Variants in GALNT14 observed in about 807,000 individuals in gnomAD.
GALNT14 encodes UDP-GalNAc:polypeptide N-acetylgalactosaminyltransferase 14.
A neutral mutation model predicts 77.5 loss-of-function variants in GALNT14; 60 were observed. The observed-to-expected ratio is 0.77, with a 90% confidence interval of 0.63 to 0.96. The LOEUF (loss-of-function observed/expected upper bound fraction) is 0.96, where lower values mean the gene tolerates loss of function less well. Among genes scored for constraint, GALNT14 ranks in the 40% least tolerant of loss-of-function variants. The pLI is 0.00. For synonymous variants in GALNT14, 280 were observed against 281.7 expected, an observed-to-expected ratio of 0.99 and a Z score of 0.06; for missense variants, 710 against 731.0, an observed-to-expected ratio of 0.97 and a Z score of 0.33.
chr2:31,071,729 G>A (rs1172330932), intron 1 of GALNT14, among the ~76,000 whole-genome samples: 1 of 152,214 alleles, frequency 6.6e-6, no homozygotes, highest in Admixed American at 6.5e-5. Context: ...CCTGCCTCTG[G>A]ATTCTGACAG....
chr2:30,981,978 A>T (rs944225771), intron 2 of GALNT14, among the ~76,000 whole-genome samples: 1 of 152,180 alleles, frequency 6.6e-6, no homozygotes, highest in Non-Finnish European at 1.5e-5. Flanking sequence ...GGCAAAAAAT[A>T]TCCAGAAGAA....
intron 1 of GALNT14, among the ~76,000 whole-genome samples, chr2:31,072,622 C>T (rs1402401958): frequency 6.6e-6 from 1 of 152,084 alleles, no homozygotes; most frequent in African/African-American, 2.4e-5. Flanking sequence ...CAACTAAGTC[C>T]AATTCCAAAT....
Position 31,003,168 on chromosome 2 carries a change from T to C in GALNT14, c.130-10161A>G, listed in dbSNP as rs992707455. Among the ~76,000 whole-genome samples, 7 of 152,318 alleles carry C rather than the reference T, an allele frequency of 4.6e-5. No individual in the cohort carries two copies. In the East Asian group the frequency reaches 1.4e-3, roughly 29 times the overall value. On this transcript the variant is annotated intron_variant, in intron 1 of 14. Transcript: ENST00000349752. ...TAGTATTCATTTTTATCTCAGGTAC[T>C]GGTAATAAATTTAAATTTTCCTCAG...
chr2:31,132,570 C>T (rs373658713), intron 1 of GALNT14: 26 of 386,416 alleles, frequency 6.7e-5, no homozygotes, highest in African/African-American at 4.2e-4. Context: ...CAGAGTCACA[C>T]TGAAATTGCC....
intron 8 of GALNT14, among the ~76,000 whole-genome samples, chr2:30,943,655 C>T (rs937909744): frequency 6.6e-6 from 1 of 152,190 alleles, no homozygotes; most frequent in Non-Finnish European, 1.5e-5. Context: ...ATGCACTGCC[C>T]CTGGTGAGGA....
chr2:30,997,029 C>T (rs867589456), intron 1 of GALNT14, among the ~76,000 whole-genome samples: 6 of 152,274 alleles, frequency 3.9e-5, no homozygotes, highest in Middle Eastern at 6.8e-3. Flanking sequence ...GCAGCTTGCA[C>T]GTATATCATC....
chr2:31,065,990 C>A (rs575786064), intron 1 of GALNT14, among the ~76,000 whole-genome samples: 1 of 152,178 alleles, frequency 6.6e-6, no homozygotes, highest in South Asian at 2.1e-4. Context: ...CCCGCCCCAC[C>A]CTCTTCCTAC....
intron 1 of GALNT14, among the ~76,000 whole-genome samples, chr2:31,124,506 T>C (rs1276451149): frequency 6.6e-6 from 1 of 152,188 alleles, no homozygotes; most frequent in East Asian, 1.9e-4. Context: ...ATTGGACCTT[T>C]AGGAACCTCA....
chr2:31,123,955 T>A (rs1678553466), intron 1 of GALNT14, among the ~76,000 whole-genome samples: 1 of 151,990 alleles, frequency 6.6e-6, no homozygotes, highest in Non-Finnish European at 1.5e-5. Flanking sequence ...GCAATACATC[T>A]AAGAGGAACA....
At chr2:30,915,955 G>A (rs963938656) in intron 13 of GALNT14, among the ~76,000 whole-genome samples, 1 of 152,102 alleles carries the variant, frequency 6.6e-6, no homozygotes, top group Admixed American at 6.5e-5. Flanking sequence ...TTCTTAACAG[G>A]ACCTGTTTAG....
intron 1 of GALNT14, among the ~76,000 whole-genome samples, chr2:31,132,995 G>T (rs1043005968): frequency 1.3e-5 from 2 of 151,856 alleles, no homozygotes; most frequent in Admixed American, 1.3e-4. Flanking sequence ...TGGTCTTGTG[G>T]CCCCCACCCA....
chr2:30,906,573 C>T (rs1164914620), downstream of GALNT14, among the ~76,000 whole-genome samples: 65 of 150,450 alleles, frequency 4.3e-4, no homozygotes, highest in Non-Finnish European at 8.9e-4. Flanking sequence ...TCCTGAGTGA[C>T]CTACAAAGAG....
the GALNT14 span, among the ~76,000 whole-genome samples, chr2:30,899,712 C>T: frequency 6.6e-6 from 1 of 152,138 alleles, no homozygotes; most frequent in South Asian, 2.1e-4. Context: ...TTCCAATAAG[C>T]CCTGAGGTTT....
chr2:30,895,415 G>A, the GALNT14 span, among the ~76,000 whole-genome samples: 1 of 152,304 alleles, frequency 6.6e-6, no homozygotes, highest in South Asian at 2.1e-4. Context: ...GGGACACAAA[G>A]GGGATGCCTG....
intron 1 of GALNT14, among the ~76,000 whole-genome samples, chr2:31,105,294 C>T (rs1015795819): frequency 1.3e-5 from 2 of 152,202 alleles, no homozygotes; most frequent in African/African-American, 4.8e-5. Context: ...AAGCCAGCTC[C>T]TGTGTCCTTT....
intron 8 of GALNT14, among the ~76,000 whole-genome samples, chr2:30,943,205 C>T (rs936413291): frequency 2.6e-5 from 4 of 152,194 alleles, no homozygotes; most frequent in African/African-American, 7.2e-5. Context: ...AACTCACACA[C>T]CCTCATATTT....
intron 1 of GALNT14, among the ~76,000 whole-genome samples, chr2:31,092,077 C>G (rs2365196): frequency 0.53 from 80,559 of 151,854 alleles, 21,971 homozygotes; most frequent in African/African-American, 0.63. Context: ...AACTCTTGGA[C>G]TTACACCAGT....
chr2:31,068,142 A>AG (rs1320998241), intron 1 of GALNT14, among the ~76,000 whole-genome samples: 1 of 152,192 alleles, frequency 6.6e-6, no homozygotes, highest in African/African-American at 2.4e-5. Flanking sequence ...CCAGACCAGC[A>AG]GACCCCTATG....
At chr2:31,057,379 T>C (rs1301107588) in intron 1 of GALNT14, among the ~76,000 whole-genome samples, 7 of 45,276 alleles carry the variant, frequency 1.5e-4, no homozygotes, top group Non-Finnish European at 2.6e-4. Context: ...TGTGTGTATA[T>C]ATATATATAT....
Sources: allele counts gnomAD v4.1 joint callset (sites outside exome capture counted in the v4.1 genomes callset), GRCh38; gene constraint gnomAD v4.1.1; transcripts MANE v1.5; gene names NCBI Gene and HGNC (gene_info 2026-07-23, HGNC 2026-07-21).